Variants in HNMT observed in about 807,000 individuals in gnomAD.
HNMT encodes the protein histamine N-methyltransferase.
Under a neutral mutation model 32.1 loss-of-function variants are expected in HNMT, and 30 were observed. The ratio of observed to expected loss-of-function variants is 0.93; its 90% confidence interval spans 0.70 to 1.27. HNMT has a LOEUF of 1.27. Ranked by LOEUF, HNMT falls within the 50% of genes most tolerant of loss-of-function variation. The pLI, the probability that HNMT is intolerant of heterozygous loss-of-function variation, is 0.00. For synonymous variants in HNMT, 125 were observed against 119.0 expected (o/e 1.05, Z -0.33); for missense variants, 327 against 346.0 (o/e 0.95, Z 0.43).
chr2:137,970,661 C>T (rs545009553), intron 2 of HNMT, among the ~76,000 whole-genome samples: 96 of 152,200 alleles, frequency 6.3e-4, no homozygotes, highest in African/African-American at 2.0e-3. Flanking sequence ...TGGCTCACGC[C>T]TGTAATCCCA....
At chr2:138,011,078 G>A (rs904475546) in intron 5 of HNMT, among the ~76,000 whole-genome samples, 3 of 151,888 alleles carry the variant, frequency 2.0e-5, no homozygotes, top group Non-Finnish European at 2.9e-5. Context: ...TGTGCCCACC[G>A]AGAGCCATTA....
intron 2 of HNMT, among the ~76,000 whole-genome samples, chr2:137,987,951 A>C (rs564489281): frequency 6.1e-4 from 93 of 152,258 alleles, no homozygotes; most frequent in Non-Finnish European, 1.2e-3. Flanking sequence ...ACCAGCTATG[A>C]GTGGTAGAGT....
chr2:137,996,437 T>C (rs887625529), intron 2 of HNMT, among the ~76,000 whole-genome samples: 1 of 151,948 alleles, frequency 6.6e-6, no homozygotes, highest in South Asian at 2.1e-4. Context: ...ACAAAGAGAA[T>C]AAAATACCTA....
intron 2 of HNMT, among the ~76,000 whole-genome samples, chr2:137,989,844 T>C (rs1212592612): frequency 1.3e-5 from 2 of 152,248 alleles, no homozygotes; most frequent in South Asian, 2.1e-4. Flanking sequence ...ATTGATGGCA[T>C]ATGATATGAA....
chr2:138,006,273 T>C (rs917205823), intron 5 of HNMT, among the ~76,000 whole-genome samples: 4 of 152,136 alleles, frequency 2.6e-5, no homozygotes, highest in African/African-American at 9.6e-5. Flanking sequence ...ATAAACTGCA[T>C]TTAGAATTGC....
chr2:138,001,655 G>A (rs1465758870), intron 3 of HNMT, among the ~76,000 whole-genome samples: 2 of 152,098 alleles, frequency 1.3e-5, no homozygotes, highest in African/African-American at 2.4e-5. Context: ...GAAGTAGAAC[G>A]ATATATGTTT....
At chr2:137,976,294 C>T (rs1050632429) in intron 2 of HNMT, among the ~76,000 whole-genome samples, 1 of 148,456 alleles carries the variant, frequency 6.7e-6, no homozygotes, top group Non-Finnish European at 1.5e-5. Context: ...AAAAAAAAAA[C>T]CTGTCTATAA....
At chr2:138,003,034 T>C (rs1382769591) in intron 4 of HNMT, among the ~76,000 whole-genome samples, 1 of 131,786 alleles carries the variant, frequency 7.6e-6, no homozygotes, top group Non-Finnish European at 1.5e-5. Context: ...AATTGAACAA[T>C]GAGAACACAT....
intron 3 of HNMT, 55 bp downstream of exon 3, chr2:138,001,080 A>G (rs1007926341): frequency 4.5e-5 from 39 of 870,188 alleles, no homozygotes; most frequent in Non-Finnish European, 6.9e-5. Flanking sequence ...GACTTAACTC[A>G]AATTGTTCCC....
chr2:137,993,633 A>G (rs1045261879), intron 2 of HNMT, among the ~76,000 whole-genome samples: 1 of 152,206 alleles, frequency 6.6e-6, no homozygotes, highest in African/African-American at 2.4e-5. Context: ...AACTTCCTCA[A>G]TCTAGCAAGA....
chr2:138,009,554 A>G (rs989134177), intron 5 of HNMT, among the ~76,000 whole-genome samples: 1 of 152,084 alleles, frequency 6.6e-6, no homozygotes, highest in African/African-American at 2.4e-5. Context: ...AAAAATAGCA[A>G]TAGTTGCTTT....
chr2:137,978,284 TACTAC>T (rs1177176918), intron 2 of HNMT, among the ~76,000 whole-genome samples: 4 of 148,498 alleles, frequency 2.7e-5, no homozygotes, highest in African/African-American at 7.4e-5. Flanking sequence ...ATATTAACTA[TACTAC>T]AGTTATGTAT....
At chr2:137,987,670 G>T (rs1299705270) in intron 2 of HNMT, among the ~76,000 whole-genome samples, 1 of 133,426 alleles carries the variant, frequency 7.5e-6, no homozygotes, top group East Asian at 2.3e-4. Flanking sequence ...GTTCTATAGG[G>T]TATAGTAACC....
intron 4 of HNMT, among the ~76,000 whole-genome samples, chr2:138,003,090 G>C (rs1174541359): frequency 1.8e-5 from 2 of 108,486 alleles, no homozygotes; most frequent in African/African-American, 3.7e-5. Context: ...GTTGTGGGGT[G>C]GGGGGAGGGG....
chr2:137,973,782 G>T (rs993259712), intron 2 of HNMT, among the ~76,000 whole-genome samples: 11 of 151,880 alleles, frequency 7.2e-5, no homozygotes, highest in Non-Finnish European at 1.0e-4. Flanking sequence ...TTTTTTTTGG[G>T]GGGGGGTGGT....
intron 2 of HNMT, chr2:137,981,439 C>T (rs761217115): frequency 2.1e-6 from 3 of 1,431,990 alleles, no homozygotes; most frequent in Non-Finnish European, 2.9e-6. Context: ...TACTAGATCA[C>T]ACAGTTGAAA....
intron 5 of HNMT, among the ~76,000 whole-genome samples, chr2:138,010,483 A>ACC (rs1558749298): frequency 1.2e-4 from 11 of 89,218 alleles, no homozygotes; most frequent in Middle Eastern, 6.5e-3. Context: ...ACACACACAC[A>ACC]GCAAATGGAA....
intron 5 of HNMT, among the ~76,000 whole-genome samples, chr2:138,005,966 C>T (rs1279425954): frequency 6.6e-6 from 1 of 152,052 alleles, no homozygotes; most frequent in East Asian, 1.9e-4. Flanking sequence ...TTACACCAGA[C>T]CCCATACTTT....
chr2:138,008,281 C>T (rs1681388810), intron 5 of HNMT, among the ~76,000 whole-genome samples: 1 of 151,986 alleles, frequency 6.6e-6, no homozygotes, highest in African/African-American at 2.4e-5. Context: ...AGGCCAATAG[C>T]TTCTGGCTCC....
Sources: gnomAD v4.1 joint callset for allele counts (sites outside exome capture counted in the v4.1 genomes callset) on GRCh38, gnomAD v4.1.1 for gene constraint, MANE v1.5 for transcripts, NCBI Gene and HGNC (gene_info 2026-07-23, HGNC 2026-07-21) for gene names.